NLRP5: variants seen among roughly 807,000 people sequenced by gnomAD.
NLRP5 encodes the protein NACHT, LRR and PYD domains-containing protein 5.
In NLRP5, 93 loss-of-function variants were observed where a neutral mutation model predicts 113.1. The ratio of observed to expected loss-of-function variants is 0.82; its 90% CI spans 0.70 to 0.98. The LOEUF is 0.98. NLRP5 is among the 50% of genes least tolerant of loss of function. The pLI, the probability that NLRP5 is intolerant of heterozygous loss-of-function variation, is 0.00. For synonymous variants in NLRP5, 751 were observed against 600.7 expected, an observed-to-expected ratio of 1.25 and a Z score of -3.66; for missense variants, 1,808 against 1,514.3, an observed-to-expected ratio of 1.19 and a Z score of -3.22.
At chr19:55,998,684 A>ATATGTGTG (rs1981436334), upstream of NLRP5, among the ~76,000 whole-genome samples, 6 of 82,030 alleles carry the variant, frequency 7.3e-5, no homozygotes, top group African/African-American at 3.5e-4. Flanking sequence ...ATATATATAT[A>ATATGTGTG]TATATATATA....
intron 3 of NLRP5, among the ~76,000 whole-genome samples, chr19:56,009,199 A>AC (rs749540704): frequency 9.9e-5 from 15 of 151,674 alleles, no homozygotes; most frequent in Non-Finnish European, 2.1e-4. Flanking sequence ...AAATAGCCAG[A>AC]CGTGGTGGTG....
the NLRP5 span, chr19:55,988,425 A>AATATATAT: frequency 3.5e-5 from 3 of 85,104 alleles, no homozygotes; most frequent in African/African-American, 1.7e-4. Flanking sequence ...TATACACATA[A>AATATATAT]ATATATATAT....
intron 3 of NLRP5, 58 bp from the exon 4 acceptor site, chr19:56,015,684 T>C (rs1982376214): frequency 1.4e-6 from 2 of 1,401,980 alleles, no homozygotes; most frequent in Admixed American, 2.2e-5. Flanking sequence ...CCAACATCTC[T>C]GATTTGAATA....
At position 56,061,656 on chromosome 19, in the gene NLRP5, C is replaced by T; in HGVS notation, c.*128C>T. On this transcript the variant is annotated 3_prime_UTR_variant, in exon 15 of 15. Transcript: ENST00000390649. Reference sequence around the variant, plus strand: ...AGAATGATTTCTGATTCTCACAAAGCCCTCAATGGTAGTGATTCTTCTGTG... The same window carrying T: ...AGAATGATTTCTGATTCTCACAAAGTCCTCAATGGTAGTGATTCTTCTGTG... 9.5e-7 allele frequency: 1 copy of T among 1,057,900 alleles called. No individual in the cohort carries two copies. Among genetic ancestry groups the T allele is most frequent in the Non-Finnish European group, 1.4e-6 (1 of 706,210 alleles). The allele number at this position is 1,057,900 out of a possible 1,614,324, so 65.5% of individuals were successfully genotyped here. A position where few individuals can be genotyped will look rare whatever the true frequency, so the allele number is the denominator to read the frequency against.
upstream of NLRP5, among the ~76,000 whole-genome samples, chr19:55,997,938 T>C (rs575466853): frequency 2.0e-5 from 3 of 152,272 alleles, no homozygotes; most frequent in East Asian, 1.9e-4. Context: ...TATACATCCA[T>C]TGAAGCTATA....
chr19:56,013,596 G>GTTTGT (rs1982287119), intron 3 of NLRP5, among the ~76,000 whole-genome samples: 1 of 59,284 alleles, frequency 1.7e-5, no homozygotes, highest in Non-Finnish European at 2.9e-5. Flanking sequence ...GGACATTTGG[G>GTTTGT]TTTTTTTTTT....
At position 56,058,284 on chromosome 19, in the gene NLRP5, C is replaced by A. The variant is rs369505014; in HGVS notation, c.3344C>A (p.Ser1115Tyr). The A allele has an allele frequency of 6.2e-7, 1 of 1,613,948 alleles. No individual in the cohort carries two copies. The highest frequency in any genetic ancestry group is 2.2e-5 in the East Asian group (1 of 44,872). The change falls in exon 14 of 15, where the codon TCC becomes TAC. Residue 1115 changes from serine to tyrosine, a missense_variant. Coordinates refer to ENST00000390649, the MANE Select transcript of NLRP5 (RefSeq NM_153447.4). The stretch of plus-strand genomic sequence containing the variant: ...ACTTCTGATTGCTGTGAGGCACTCT[C>A]CTTGGCCCTTTCCTGCAACCGGCAT...
chr19:55,994,421 CAG>C, the NLRP5 span, among the ~76,000 whole-genome samples: 18 of 152,014 alleles, frequency 1.2e-4, no homozygotes, highest in African/African-American at 4.4e-4. Flanking sequence ...GGAGGGGGGA[CAG>C]AGTCTTGTTC....
At chr19:56,003,669 T>G (rs1981739718) in intron 1 of NLRP5, 67 bp from the exon 2 acceptor site, 5 of 1,534,004 alleles carry the variant, frequency 3.3e-6, no homozygotes, top group Non-Finnish European at 4.4e-6. Flanking sequence ...AGGTGATTGA[T>G]GTTAGTTGTA....
chr19:55,999,710 C>T (rs1981553461), upstream of NLRP5: 1 of 1,600,482 alleles, frequency 6.2e-7, no homozygotes, highest in Admixed American at 1.7e-5. Context: ...CAGTTACTTT[C>T]CATGGCGATG....
chr19:56,010,193 CT>C (rs138329805), intron 3 of NLRP5, among the ~76,000 whole-genome samples: 5,653 of 152,220 alleles, frequency 0.037, 343 homozygotes, highest in African/African-American at 0.13. Flanking sequence ...CGTGCCAGTG[CT>C]TTAGTCCATG....
chr19:56,048,798 C>T (rs1179888954), intron 11 of NLRP5, among the ~76,000 whole-genome samples: 1 of 151,902 alleles, frequency 6.6e-6, no homozygotes, highest in African/African-American at 2.4e-5. Flanking sequence ...CTCAATTATG[C>T]ACCCAAATAT....
chr19:55,998,710 G>GTGTATATATATA (rs1555762443), upstream of NLRP5, among the ~76,000 whole-genome samples: 1 of 67,856 alleles, frequency 1.5e-5, no homozygotes, highest in African/African-American at 8.3e-5. Flanking sequence ...ATATGTGTGT[G>GTGTATATATATA]TGTGTATATA....
rs78321861 is a variant in NLRP5 at position 56,010,755 on chromosome 19, A to AAAAAAAAAAAAAAAAAAAAAAAAAAAT, written c.508+1902_508+1903insAAAAAAAAAAAAAAAAAAAAAAAAAAT. Among the ~76,000 whole-genome samples, 5 of 125,982 alleles carry AAAAAAAAAAAAAAAAAAAAAAAAAAAT rather than the reference A, an allele frequency of 4.0e-5. 1 individual carries two copies. Among genetic ancestry groups the AAAAAAAAAAAAAAAAAAAAAAAAAAAT allele is most frequent in the African/African-American group, 9.1e-5 (3 of 33,088 alleles). 82.6% of individuals were successfully genotyped at this position (125,982 alleles called of 152,430 possible). A position where few individuals can be genotyped will look rare whatever the true frequency, so the allele number is the denominator to read the frequency against. On this transcript the variant is annotated intron_variant, in intron 3 of 14. Coordinates refer to ENST00000390649, the MANE Select transcript of NLRP5 (RefSeq NM_153447.4). ...TTAACTCTGTCTCAAAAAAAAAAAA[A>AAAAAAAAAAAAAAAAAAAAAAAAAAAT]GTCCCTTGAAACTAAGCCAACCCAA...
chr19:56,047,827 G>T (rs1279675679), intron 11 of NLRP5, among the ~76,000 whole-genome samples: 1 of 152,146 alleles, frequency 6.6e-6, no homozygotes, highest in East Asian at 1.9e-4. Context: ...GAGTATTGAA[G>T]TCCCCCAGTA....
In NLRP5 at chr19:56,061,548, A is replaced by G; in HGVS notation, c.*20A>G. 6.2e-7 allele frequency: 1 copy of G among 1,613,640 alleles called. No homozygotes were observed. The highest frequency in any genetic ancestry group is 8.5e-7 in the Non-Finnish European group (1 of 1,179,688). ...AACTGAAGATACGGAAACCTGCCCCACTCACACCCATCTGATGGAGGAACT... is the reference window on the plus strand; with the variant it reads ...AACTGAAGATACGGAAACCTGCCCCGCTCACACCCATCTGATGGAGGAACT... On this transcript the variant is annotated 3_prime_UTR_variant, in exon 15 of 15. Transcript: ENST00000390649.
chr19:56,059,775 T>G (rs185672650), intron 14 of NLRP5, among the ~76,000 whole-genome samples: 1 of 151,828 alleles, frequency 6.6e-6, no homozygotes, highest in Non-Finnish European at 1.5e-5. Flanking sequence ...ATCCACCAGC[T>G]TCAGCCTCCC....
At chr19:56,016,306 ACCACG>A (rs756188942) in intron 4 of NLRP5, among the ~76,000 whole-genome samples, 1 of 152,054 alleles carries the variant, frequency 6.6e-6, no homozygotes, top group Non-Finnish European at 1.5e-5. Context: ...GGCATGCACC[ACCACG>A]CCCAGCTAAT....
chr19:56,032,843 A>G, intron 8 of NLRP5, 62 bp downstream of exon 8: 1 of 1,479,556 alleles, frequency 6.8e-7, no homozygotes, highest in Admixed American at 1.8e-5. Context: ...GCTCTCCCCT[A>G]CCTCCTGAGA....
Sources: gnomAD v4.1 joint callset for allele counts (sites outside exome capture counted in the v4.1 genomes callset) on GRCh38, gnomAD v4.1.1 for gene constraint, MANE v1.5 for transcripts, NCBI Gene and HGNC (gene_info 2026-07-23, HGNC 2026-07-21) for gene names.